The following SNX17 variants were observed in gnomAD, a reference collection of about 807,000 sequenced individuals.
SNX17 encodes sorting nexin-17.
In SNX17, 35 loss-of-function variants were observed where a neutral mutation model predicts 64.3. The ratio of observed to expected loss-of-function variants is 0.54; its 90% CI spans 0.42 to 0.72. The LOEUF is 0.72. SNX17 is among the 30% of genes least tolerant of loss of function. The probability of loss-of-function intolerance (pLI) is 0.00; values close to 1 mark genes in which losing one functional copy is unlikely to be tolerated. For synonymous variants in SNX17, 259 were observed against 230.2 expected, an observed-to-expected ratio of 1.13 and a Z score of -1.13; for missense variants, 538 against 610.0, an observed-to-expected ratio of 0.88 and a Z score of 1.24.
At chr2:27,374,498 A>T (rs971620829) in intron 7 of SNX17, 65 bp downstream of exon 7, 1 of 1,454,020 alleles carries the variant, frequency 6.9e-7, no homozygotes, top group Admixed American at 1.7e-5. Context: ...ATTGGGCCAC[A>T]TATTGAGACA....
In SNX17 at chr2:27,375,667, C is replaced by T; in HGVS notation, c.936C>T (p.Ser312=). 1 of 1,614,234 alleles carries T rather than the reference C, an allele frequency of 6.2e-7. No individual in the cohort carries two copies. Residue 312 remains serine (S), a synonymous_variant, in exon 10 of 15, where the codon TCC becomes TCT. Transcript: ENST00000233575. The surrounding 1 kb of genome is among the most constrained non-coding windows in gnomAD (Gnocchi z 4.1). The part of the protein sequence containing the change: ...RLPGQQLREG[S]FRVTRMRCWR... ...CTGGCCAGCAACTCCGAGAAGGCTC[C>T]TTCCGGGTCACCCGCATGCGATGCT...
chr2:27,375,161 C>G lies in SNX17; in HGVS notation c.774+8C>G. ...AAAGTCTCCAAGAAGGAGGTGAGCC[C>G]TGCCTCCTCTCTGTCTTCCTCTAAG... On this transcript the variant is annotated splice_region_variant and intron_variant, in intron 9 of 14. Transcript: ENST00000233575. The surrounding 1 kb of genome is among the most constrained non-coding windows in gnomAD (Gnocchi z 4.1). 1 of 1,611,756 alleles carries G rather than the reference C, an allele frequency of 6.2e-7. No homozygotes were observed. The highest frequency in any genetic ancestry group is 8.5e-7 in the Non-Finnish European group (1 of 1,177,854).
chr2:27,376,875 C>G lies in SNX17; in HGVS notation c.*156C>G. On this transcript the variant is annotated 3_prime_UTR_variant, in exon 15 of 15. Transcript: ENST00000233575. ...CCAGGGGCCTCGTATCCTACCTTTC[C>G]TTGTCCCCTGGGCTGGCTGCACAGA... 1.6e-6 allele frequency: 1 copy of G among 640,474 alleles called. No homozygotes were observed. The allele number at this position is 640,474 out of a possible 1,614,324, so 39.7% of individuals were successfully genotyped here.
At position 27,376,201 on chromosome 2, in the gene SNX17, A is replaced by T. The variant is rs1214028251; in HGVS notation, c.1182+18A>T. ...TCAGGAAGGTAGGCAGCAAGTGTGG[A>T]CTGAGCAGTGAGCAGGTGTGCTCCC... On this transcript the variant is annotated intron_variant, in intron 12 of 14. Coordinates refer to ENST00000233575, the MANE Select transcript of SNX17 (RefSeq NM_014748.4). 6.2e-7 allele frequency: 1 copy of T among 1,614,050 alleles called. No individual in the cohort carries two copies. The highest frequency in any genetic ancestry group is 8.5e-7 in the Non-Finnish European group (1 of 1,179,928).
At chr2:27,373,396 T>C (rs565707669) in intron 4 of SNX17, 85 bp downstream of exon 4, 7 of 1,414,994 alleles carry the variant, frequency 4.9e-6, no homozygotes, top group African/African-American at 2.8e-5. Flanking sequence ...AGAGTCTTGC[T>C]CTTTTGCACA....
At chr2:27,374,537 T>C in intron 7 of SNX17, 104 bp downstream of exon 7, 1 of 1,258,422 alleles carries the variant, frequency 7.9e-7, no homozygotes, top group Non-Finnish European at 1.2e-6. Flanking sequence ...GGTGTAGTGC[T>C]GGGTGTTTCT....
In SNX17 at chr2:27,377,284, AG is replaced by A; in HGVS notation, c.*567del. Reference sequence around the variant, plus strand: ...AAGCACTGAAATAAGTTAAATAAACAGGTGGGAGGCTGGGCAGTCCCCCAGC... The same window carrying A: ...AAGCACTGAAATAAGTTAAATAAACAGTGGGAGGCTGGGCAGTCCCCCAGC... On this transcript the variant is annotated 3_prime_UTR_variant, in exon 15 of 15. Transcript: ENST00000233575. This position sits in a 1 kb window ranked among gnomAD's most constrained non-coding sequence, Gnocchi z 4.4. 1.6e-6 allele frequency: 1 copy of A among 625,160 alleles called. No homozygotes were observed. Among genetic ancestry groups the A allele is most frequent in the Non-Finnish European group, 2.9e-6 (1 of 349,404 alleles). 38.7% of individuals were successfully genotyped at this position (625,160 alleles called of 1,614,324 possible).
At position 27,376,641 on chromosome 2, in the gene SNX17, C is replaced by T. The variant is rs746415308; in HGVS notation, c.1335C>T (p.Gly445=). The T allele has an allele frequency of 2.9e-5, 47 of 1,614,184 alleles. No individual in the cohort carries two copies. The highest frequency in any genetic ancestry group is 2.6e-4 in the South Asian group (24 of 91,086). ...GTGCCGTGAGCTTGCGGGGAATTGG[C>T]AGTCCCAGCACAGATGCCAGTGCCA... is the stretch of plus-strand genomic sequence containing the variant. ...KLSAVSLRGI[G]SPSTDASASD... The change falls in exon 15 of 15, where the codon GGC becomes GGT. Residue 445 remains glycine (G), a synonymous_variant. Transcript: ENST00000233575.
chr2:27,375,754 C>A lies in SNX17; in HGVS notation c.978+45C>A, dbSNP rs529062546. The A allele has an allele frequency of 4.8e-5, 77 of 1,611,714 alleles. No homozygotes were observed. The African/African-American group carries it at 9.1e-4, about 19-fold the overall frequency. ...GGAAGGGCCTGGGTTGGGGGCCCGGCAAGCCTTGAGCTTAGGTATGGGCTG... is the reference window on the plus strand; with the variant it reads ...GGAAGGGCCTGGGTTGGGGGCCCGGAAAGCCTTGAGCTTAGGTATGGGCTG... On this transcript the variant is annotated intron_variant, in intron 10 of 14. Coordinates refer to ENST00000233575, the MANE Select transcript of SNX17 (RefSeq NM_014748.4). The surrounding 1 kb of genome is among the most constrained non-coding windows in gnomAD (Gnocchi z 4.1).
At chr2:27,373,749 A>G (rs943966798) in intron 4 of SNX17, 112 bp from the exon 5 acceptor site, 7 of 717,906 alleles carry the variant, frequency 9.8e-6, no homozygotes, top group Middle Eastern at 3.9e-4. Flanking sequence ...ATCACAGCCT[A>G]TATTTAAGCA....
rs1338862684 is a variant in SNX17, at chr2:27,374,046, A to G, written c.433-39A>G. On this transcript the variant is annotated intron_variant, in intron 5 of 14. Coordinates refer to ENST00000233575, the MANE Select transcript of SNX17 (RefSeq NM_014748.4). The stretch of plus-strand genomic sequence containing the variant: ...CTGGGCTTGGAGAATGATTGGAACC[A>G]GCCAGTATGATGAGCTGTACTTCTA... 3.7e-6 allele frequency: 6 copies of G among 1,610,890 alleles called. No individual in the cohort carries two copies. In the East Asian group the frequency reaches 1.3e-4, roughly 36 times the overall value.
chr2:27,373,450 C>T, intron 4 of SNX17, 139 bp downstream of exon 4: 2 of 812,562 alleles, frequency 2.5e-6, no homozygotes, highest in Admixed American at 2.4e-5. Context: ...GCAATCTCCG[C>T]CTCCCGGATT....
chr2:27,371,528 C>G, intron 2 of SNX17, 185 bp downstream of exon 2: 1 of 1,229,714 alleles, frequency 8.1e-7, no homozygotes, highest in Non-Finnish European at 1.1e-6. Flanking sequence ...GCTTAATGTC[C>G]GCGCAACAAC....
rs771965939 is a variant in SNX17 at position 27,375,479 on chromosome 2, T to C, written c.775-27T>C. 3 of 1,613,350 alleles carry C rather than the reference T, an allele frequency of 1.9e-6. No individual in the cohort carries two copies. Among genetic ancestry groups the C allele is most frequent in the Admixed American group, 1.7e-5 (1 of 60,022 alleles). On this transcript the variant is annotated intron_variant, in intron 9 of 14. Transcript: ENST00000233575. This position sits in a 1 kb window ranked among gnomAD's most constrained non-coding sequence, Gnocchi z 4.1. ...AGCTGCCCCATTCTCCCTCCTAATC[T>C]ACCCCCATGTGATGACCATTTTTCA...
chr2:27,370,831 G>A, intron 1 of SNX17, 25 bp downstream of exon 1: 1 of 1,534,856 alleles, frequency 6.5e-7, no homozygotes, highest in Non-Finnish European at 8.7e-7. Flanking sequence ...GAGCCGAGCC[G>A]GGCCGGGCAG....
At chr2:27,374,272 T>G in intron 6 of SNX17, 74 bp from the exon 7 acceptor site, 1 of 1,216,456 alleles carries the variant, frequency 8.2e-7, no homozygotes, top group African/African-American at 1.5e-5. Context: ...GAACATTGCC[T>G]CAGGGCACTT....
At position 27,376,811 on chromosome 2, in the gene SNX17, C is replaced by G. The variant is rs1683294188; in HGVS notation, c.*92C>G. ...TCCCCCATGCTAGGGGCGGAGGGGT[C>G]TTTTCCTTCTTCTTTCCTACCTACC... is the stretch of plus-strand genomic sequence containing the variant. On this transcript the variant is annotated 3_prime_UTR_variant, in exon 15 of 15. Coordinates refer to ENST00000233575, the MANE Select transcript of SNX17 (RefSeq NM_014748.4). 9.6e-7 allele frequency: 1 copy of G among 1,040,934 alleles called. No individual in the cohort carries two copies. The highest frequency in any genetic ancestry group is 2.5e-5 in the East Asian group (1 of 39,518). The allele number at this position is 1,040,934 out of a possible 1,614,324, so 64.5% of individuals were successfully genotyped here.
chr2:27,371,409 C>A (rs777895371), intron 2 of SNX17, 66 bp downstream of exon 2: 1 of 1,540,416 alleles, frequency 6.5e-7, no homozygotes, highest in South Asian at 1.2e-5. Flanking sequence ...ATCAGTGTCT[C>A]CCTTTACCCG....
chr2:27,370,721 GGCCGT>G lies in SNX17; in HGVS notation c.-12_-8del. 6.5e-7 allele frequency: 1 copy of G among 1,543,124 alleles called. No individual in the cohort carries two copies. The highest frequency in any genetic ancestry group is 8.8e-7 in the Non-Finnish European group (1 of 1,142,212). Reference sequence around the variant, plus strand: ...CTGCGGCCCTCACAGTCCGGAGCCCGGCCGTGCCGTGCCGTAGGGAACATGCACTT... The same window carrying G: ...CTGCGGCCCTCACAGTCCGGAGCCCGGCCGTGCCGTAGGGAACATGCACTT... On this transcript the variant is annotated 5_prime_UTR_variant, in exon 1 of 15. Coordinates refer to ENST00000233575, the MANE Select transcript of SNX17 (RefSeq NM_014748.4).
Sources: allele counts gnomAD v4.1 joint callset, GRCh38; gene constraint gnomAD v4.1.1; non-coding constraint Gnocchi (gnomAD v3.1); transcripts MANE v1.5; gene names NCBI Gene and HGNC (gene_info 2026-07-23, HGNC 2026-07-21).